The following BCOR variants were observed in gnomAD, a reference collection of about 807,000 sequenced individuals.
BCOR encodes BCL6 corepressor, also known as BCL-6 corepressor.
In BCOR, 10 loss-of-function variants were observed where a neutral mutation model predicts 86.7. The ratio of observed to expected loss-of-function variants is 0.12; its 90% CI spans 0.07 to 0.20. The LOEUF (loss-of-function observed/expected upper bound fraction) is 0.20. BCOR is among the 10% of genes least tolerant of loss of function. The pLI, the probability that BCOR is intolerant of heterozygous loss-of-function variation, is 1.00. For synonymous variants in BCOR, 611 were observed against 609.0 expected (o/e 1.00, Z -0.05); for missense variants, 1,259 against 1,452.1 (o/e 0.87, Z 2.16).
upstream of BCOR, among the ~76,000 whole-genome samples, chrX:40,101,083 G>T (rs1445237941): frequency 2.7e-5 from 3 of 110,191 alleles, no homozygotes; most frequent in South Asian, 7.8e-4. Flanking sequence ...TAAGGCAGAG[G>T]GGGGGAGGGG....
At chrX:40,154,934 A>AC (rs1938253803) in intron 1 of BCOR, among the ~76,000 whole-genome samples, 1 of 111,873 alleles carries the variant, frequency 8.9e-6, no homozygotes, top group Admixed American at 9.3e-5. Context: ...CAAAGGGTTA[A>AC]CCCGTCGGCC....
chrX:40,103,386 C>A (rs1221337709), intron 1 of BCOR, among the ~76,000 whole-genome samples: 3 of 110,795 alleles, frequency 2.7e-5, no homozygotes, highest in Admixed American at 9.6e-5. Flanking sequence ...TGCATCCCCC[C>A]CTCCCCAAAA....
chrX:40,148,254 C>T (rs1184158888), intron 1 of BCOR, among the ~76,000 whole-genome samples: 1 of 111,883 alleles, frequency 8.9e-6, no homozygotes, highest in Non-Finnish European at 1.9e-5. Context: ...TCCCTCAACC[C>T]TTCTCCCGCT....
At chrX:40,110,741 A>G (rs1217848291) in intron 1 of BCOR, among the ~76,000 whole-genome samples, 3 of 50,679 alleles carry the variant, frequency 5.9e-5, no homozygotes, top group Non-Finnish European at 6.9e-5. Flanking sequence ...ACGGAGTCTC[A>G]CTCTTGTCGC....
At chrX:40,085,705 A>C (rs1396347096) in intron 1 of BCOR, among the ~76,000 whole-genome samples, 1 of 112,273 alleles carries the variant, frequency 8.9e-6, no homozygotes, top group Non-Finnish European at 1.9e-5. Context: ...AGGACCAGGC[A>C]GGTGCCAGGG....
chrX:40,055,323 A>G (rs1464454390), intron 12 of BCOR, 45 bp downstream of exon 12: 1 of 1,130,868 alleles, frequency 8.8e-7, no homozygotes, highest in Non-Finnish European at 1.2e-6. Context: ...GTATCGAGTT[A>G]TCATCTAATT....
At chrX:40,071,959 C>A in intron 4 of BCOR, 1 of 387,888 alleles carries the variant, frequency 2.6e-6, no homozygotes. Flanking sequence ...CACAGACATG[C>A]GGCTGCTACA....
At chrX:40,152,065 G>A (rs887282214) in intron 1 of BCOR, among the ~76,000 whole-genome samples, 2 of 111,413 alleles carry the variant, frequency 1.8e-5, no homozygotes, top group African/African-American at 6.5e-5. Flanking sequence ...CGGTCCCCAC[G>A]GGGTGGGGTG....
intron 1 of BCOR, among the ~76,000 whole-genome samples, chrX:40,086,295 A>G (rs764444961): frequency 1.8e-5 from 2 of 112,674 alleles, no homozygotes; most frequent in South Asian, 7.3e-4. Flanking sequence ...ATTTCCAGAA[A>G]GCTTTCAGTT....
At chrX:40,124,072 T>C (rs992155656) in intron 1 of BCOR, among the ~76,000 whole-genome samples, 2 of 110,906 alleles carry the variant, frequency 1.8e-5, no homozygotes, top group African/African-American at 6.6e-5. Flanking sequence ...CTGGCCTCTT[T>C]GCAACTTTGG....
chrX:40,094,745 C>T (rs1330859935), intron 1 of BCOR, among the ~76,000 whole-genome samples: 1 of 112,621 alleles, frequency 8.9e-6, no homozygotes, highest in Non-Finnish European at 1.9e-5. Context: ...CGCGCCGCCC[C>T]GCGAAGTTAC....
chrX:40,145,048 C>A (rs1031943631), intron 1 of BCOR, among the ~76,000 whole-genome samples: 9 of 97,631 alleles, frequency 9.2e-5, no homozygotes, highest in Admixed American at 4.8e-4. Flanking sequence ...GGTAATAAAT[C>A]AAGGCGGTTT....
intron 1 of BCOR, among the ~76,000 whole-genome samples, chrX:40,176,512 C>T (rs1223123459): frequency 8.9e-6 from 1 of 112,742 alleles, no homozygotes; most frequent in Non-Finnish European, 1.9e-5. Context: ...CGACTCCATT[C>T]TTGGGGTTCA....
chrX:40,057,365 T>C (rs1456989926), intron 10 of BCOR, 44 bp from the exon 11 acceptor site: 2 of 1,164,347 alleles, frequency 1.7e-6, no homozygotes, highest in African/African-American at 3.6e-5. Flanking sequence ...CACTGCACAA[T>C]GACCTTGTAA....
chrX:40,112,726 T>C (rs1937331228), intron 1 of BCOR, among the ~76,000 whole-genome samples: 1 of 111,837 alleles, frequency 8.9e-6, no homozygotes, highest in Non-Finnish European at 1.9e-5. Context: ...AACTGAATTC[T>C]AAAAAGAGGA....
intron 6 of BCOR, among the ~76,000 whole-genome samples, chrX:40,065,950 G>T (rs1313575814): frequency 1.8e-5 from 2 of 111,393 alleles, no homozygotes; most frequent in Non-Finnish European, 3.8e-5. Flanking sequence ...AGTCAGCTGT[G>T]GGGGTGAGCT....
intron 1 of BCOR, among the ~76,000 whole-genome samples, chrX:40,156,522 T>C (rs775594140): frequency 8.8e-6 from 1 of 113,072 alleles, no homozygotes; most frequent in African/African-American, 3.2e-5. Context: ...AACTGCTGTC[T>C]TGCTTGTACA....
rs761690257 is a variant in BCOR at position 40,064,616 on chromosome X, A to G, written c.3239-17T>C. ...TATACTCGCCTGGGGGAGGGGAGACAAGAGGGCATTAATGAAGCCCGAAGG... is the reference window on the plus strand; with the variant it reads ...TATACTCGCCTGGGGGAGGGGAGACGAGAGGGCATTAATGAAGCCCGAAGG... On this transcript the variant is annotated splice_polypyrimidine_tract_variant and intron_variant, in intron 6 of 14. Transcript: ENST00000378444. The G allele has an allele frequency of 5.8e-6, 7 of 1,211,521 alleles. No individual in the cohort carries two copies. Among genetic ancestry groups the G allele is most frequent in the Non-Finnish European group, 7.8e-6 (7 of 895,082 alleles).
At position 40,176,375 on chromosome X, in the gene BCOR, G is replaced by A. The variant is rs183587283; in HGVS notation, c.-41+632C>T. On this transcript the variant is annotated intron_variant, in intron 1 of 14. Coordinates refer to the BCOR transcript ENST00000342274. ...CCTCGGCCTCACGGATCCCCTCCCG[G>A]AGTAGCCCCGCGGGCCCCCCCGCCA... is the stretch of plus-strand genomic sequence containing the variant. 7.2e-3 allele frequency among the ~76,000 whole-genome samples: 815 copies of A among 112,898 alleles called. 4 individuals are homozygous for A. Among genetic ancestry groups the A allele is most frequent in the African/African-American group, 0.025 (775 of 31,188 alleles).
Sources: gnomAD v4.1 joint callset for allele counts (sites outside exome capture counted in the v4.1 genomes callset) on GRCh38, gnomAD v4.1.1 for gene constraint, MANE v1.5 for transcripts, NCBI Gene and HGNC (gene_info 2026-07-23, HGNC 2026-07-21) for gene names.